DAB1: variants seen among roughly 807,000 people sequenced by gnomAD.
The protein encoded by DAB1 is disabled homolog 1.
DAB1 carries 15 observed loss-of-function variants against 64.6 expected under a neutral mutation model. That is an observed-to-expected ratio of 0.23 (90% CI 0.16 to 0.36). The LOEUF is 0.36. DAB1 is among the 10% of genes least tolerant of loss of function. The probability of loss-of-function intolerance (pLI) is 1.00; values close to 1 mark genes in which losing one functional copy is unlikely to be tolerated. For missense variants in DAB1, 596 were observed against 706.7 expected (o/e 0.84, Z 1.78); for synonymous variants, 235 against 251.9 (o/e 0.93, Z 0.64).
At chr1:57,883,585 A>G (rs1644178029) in intron 1 of DAB1, among the ~76,000 whole-genome samples, 1 of 152,244 alleles carries the variant, frequency 6.6e-6, no homozygotes, top group Non-Finnish European at 1.5e-5. Context: ...GATAAGAAAC[A>G]TTACTTTTTA....
chr1:57,960,938 A>T (rs1645506413), intron 5 of DAB1, among the ~76,000 whole-genome samples: 5 of 152,256 alleles, frequency 3.3e-5, no homozygotes, highest in Admixed American at 1.3e-4. Context: ...ATGACTGTTT[A>T]TGGAGCAGGC....
At chr1:57,928,472 C>T (rs138793638) in intron 5 of DAB1, among the ~76,000 whole-genome samples, 1 of 152,092 alleles carries the variant, frequency 6.6e-6, no homozygotes, top group Admixed American at 6.5e-5. Flanking sequence ...TCAAAGACTA[C>T]GGTTTACATT....
At chr1:57,190,211 G>A (rs1330876672) in intron 2 of DAB1, among the ~76,000 whole-genome samples, 9 of 152,286 alleles carry the variant, frequency 5.9e-5, no homozygotes, top group Non-Finnish European at 8.8e-5. Flanking sequence ...CAGTTTCCAC[G>A]TAAGGCTGTT....
At chr1:57,733,467 G>A (rs1047355224) in intron 6 of DAB1, among the ~76,000 whole-genome samples, 1 of 151,976 alleles carries the variant, frequency 6.6e-6, no homozygotes, top group Non-Finnish European at 1.5e-5. Flanking sequence ...AATGAAGCAA[G>A]CACTTAATAT....
intron 4 of DAB1, among the ~76,000 whole-genome samples, chr1:58,215,394 T>A (rs1291975405): frequency 1.1e-5 from 1 of 91,918 alleles, no homozygotes; most frequent in African/African-American, 3.9e-5. Flanking sequence ...GTCCACTCCA[T>A]GATAGTGTTT....
chr1:58,107,938 A>AG (rs1491487163), intron 5 of DAB1, among the ~76,000 whole-genome samples: 1 of 152,154 alleles, frequency 6.6e-6, no homozygotes, highest in Non-Finnish European at 1.5e-5. Flanking sequence ...TTTTAAACAC[A>AG]GGGAAAAAAA....
chr1:58,048,212 C>T, intron 5 of DAB1: 3 of 1,260,084 alleles, frequency 2.4e-6, no homozygotes, highest in Non-Finnish European at 3.4e-6. Context: ...ACTGCTGCTA[C>T]TGGAACCGCC....
chr1:58,248,480 C>T (rs1660653807), intron 4 of DAB1, among the ~76,000 whole-genome samples: 2 of 152,092 alleles, frequency 1.3e-5, no homozygotes, highest in Admixed American at 1.3e-4. Context: ...TATTAGAAAA[C>T]CTAGACCTAG....
rs143465395 is a variant in DAB1, at chr1:57,420,203, T to C, written c.-137+3727A>G. On this transcript the variant is annotated intron_variant, in intron 1 of 14. Coordinates refer to ENST00000371236, the MANE Select transcript of DAB1 (RefSeq NM_001365792.1). ...ATGTAGCTTGCTCCTATAGAAGTCT[T>C]ACTATTTCATTATTCTCCATTAAAT... Among the ~76,000 whole-genome samples the C allele has an allele frequency of 9.2e-4, 140 of 152,306 alleles. 1 individual carries two copies. The highest frequency in any genetic ancestry group is 3.2e-3 in the African/African-American group (134 of 41,566).
chr1:58,160,164 A>AG (rs1655449994), intron 4 of DAB1, among the ~76,000 whole-genome samples: 1 of 152,132 alleles, frequency 6.6e-6, no homozygotes, highest in Non-Finnish European at 1.5e-5. Context: ...CCACTACCCT[A>AG]GGCAGGTGCA....
rs575101955 is a variant in DAB1 at position 57,669,593 on chromosome 1, C to T, written n.552-19928G>A. ...ACCTCACAGCAGGACAGCTGCCCAG[C>T]ACTGTATACTAGCAGCTGTCTGACG... On this transcript the variant is annotated intron_variant and non_coding_transcript_variant, in intron 6 of 20. Transcript: ENST00000485760. Among the ~76,000 whole-genome samples, 17 of 152,260 alleles carry T rather than the reference C, an allele frequency of 1.1e-4. No homozygotes were observed. In the East Asian group the frequency reaches 3.3e-3, roughly 29 times the overall value.
intron 1 of DAB1, among the ~76,000 whole-genome samples, chr1:57,883,776 G>A (rs143190087): frequency 9.8e-5 from 15 of 152,300 alleles, no homozygotes; most frequent in South Asian, 2.1e-4. Context: ...AAAGGCATGC[G>A]CCTTTCAGTT....
At chr1:57,149,142 T>C (rs1659426097) in intron 2 of DAB1, among the ~76,000 whole-genome samples, 1 of 152,202 alleles carries the variant, frequency 6.6e-6, no homozygotes, top group African/African-American at 2.4e-5. Flanking sequence ...TAGCAGCATG[T>C]TCTCAAGGTT....
At chr1:57,026,991 A>G (rs957658569) in intron 9 of DAB1, among the ~76,000 whole-genome samples, 8 of 152,194 alleles carry the variant, frequency 5.3e-5, no homozygotes, top group Non-Finnish European at 1.2e-4. Context: ...TTATCTTCAG[A>G]TCTTAAGTGA....
At chr1:57,926,212 A>G (rs1042369468) in intron 5 of DAB1, among the ~76,000 whole-genome samples, 1 of 152,178 alleles carries the variant, frequency 6.6e-6, no homozygotes, top group Non-Finnish European at 1.5e-5. Flanking sequence ...GGGAGTTCCC[A>G]GGTATACTGG....
rs1269496625 is a variant in DAB1, at chr1:56,995,031, C to T, written c.*3113G>A. 1 of 151,992 alleles carries T rather than the reference C, an allele frequency of 6.6e-6. No individual in the cohort carries two copies. The highest frequency in any genetic ancestry group is 2.4e-5 in the African/African-American group (1 of 41,350). 9.4% of individuals were successfully genotyped at this position (151,992 alleles called of 1,614,324 possible). A position where few individuals can be genotyped will look rare whatever the true frequency, so the allele number is the denominator to read the frequency against. On this transcript the variant is annotated 3_prime_UTR_variant, in exon 15 of 15. Coordinates refer to ENST00000371236, the MANE Select transcript of DAB1 (RefSeq NM_001365792.1). Reference sequence around the variant, plus strand: ...TCAGAACGCAGAAATTGAAATGAACCAAACCCACAGAGTAAACATTTGTTT... The same window carrying T: ...TCAGAACGCAGAAATTGAAATGAACTAAACCCACAGAGTAAACATTTGTTT...
At chr1:57,276,798 G>A (rs1671505129) in intron 2 of DAB1, among the ~76,000 whole-genome samples, 1 of 152,202 alleles carries the variant, frequency 6.6e-6, no homozygotes, top group Admixed American at 6.5e-5. Context: ...TCTCTGCTAA[G>A]TGATTTCAAC....
chr1:58,424,189 A>G (rs934396469), intron 3 of DAB1, among the ~76,000 whole-genome samples: 35 of 152,348 alleles, frequency 2.3e-4, no homozygotes, highest in Non-Finnish European at 4.0e-4. Flanking sequence ...AGCAGAAAAA[A>G]GGCAATGTTC....
chr1:57,783,698 C>T (rs1328231610), intron 6 of DAB1, among the ~76,000 whole-genome samples: 7 of 151,988 alleles, frequency 4.6e-5, no homozygotes, highest in Admixed American at 3.3e-4. Flanking sequence ...TGTCTGTGTC[C>T]CATTTTGGTA....
Sources: gnomAD v4.1 joint callset for allele counts (sites outside exome capture counted in the v4.1 genomes callset) on GRCh38, gnomAD v4.1.1 for gene constraint, MANE v1.5 for transcripts, NCBI Gene and HGNC (gene_info 2026-07-23, HGNC 2026-07-21) for gene names.